The following APBA1 variants were observed in gnomAD, a reference collection of about 807,000 sequenced individuals.
APBA1 encodes the protein amyloid beta precursor protein binding family A member 1.
APBA1 carries 55 observed loss-of-function variants against 86.6 expected under a neutral mutation model. The ratio of observed to expected loss-of-function variants is 0.64; its 90% CI spans 0.51 to 0.80. The LOEUF (loss-of-function observed/expected upper bound fraction) is 0.80, where lower values mean the gene tolerates loss of function less well. Ranked by LOEUF, APBA1 falls within the 30% of genes least tolerant of loss-of-function variation. APBA1 has a pLI of 0.00. For synonymous variants in APBA1, 511 were observed against 493.9 expected (o/e 1.03, Z -0.46); for missense variants, 1,090 against 1,183.0 (o/e 0.92, Z 1.15).
At chr9:69,666,178 T>A (rs184027807) in intron 1 of APBA1, among the ~76,000 whole-genome samples, 3 of 152,208 alleles carry the variant, frequency 2.0e-5, no homozygotes, top group African/African-American at 7.2e-5. Flanking sequence ...ATTCCCTAAG[T>A]GACTGCTCCA....
At chr9:69,585,110 A>C (rs932033277) in intron 1 of APBA1, among the ~76,000 whole-genome samples, 2 of 152,218 alleles carry the variant, frequency 1.3e-5, no homozygotes, top group African/African-American at 4.8e-5. Context: ...GAACAAAACA[A>C]AGGCCCTGCC....
At chr9:69,482,491 G>A (rs1835529542) in intron 2 of APBA1, among the ~76,000 whole-genome samples, 1 of 151,198 alleles carries the variant, frequency 6.6e-6, no homozygotes, top group African/African-American at 2.4e-5. Context: ...TGGAGAGGAT[G>A]TGGAGAAACA....
chr9:69,555,905 G>A (rs1006204116), intron 1 of APBA1, among the ~76,000 whole-genome samples: 1 of 152,154 alleles, frequency 6.6e-6, no homozygotes, highest in Non-Finnish European at 1.5e-5. Flanking sequence ...GTTATATAAT[G>A]AGAATATTAT....
intron 2 of APBA1, among the ~76,000 whole-genome samples, chr9:69,486,164 C>G (rs1488961926): frequency 6.6e-6 from 1 of 152,018 alleles, no homozygotes; most frequent in Non-Finnish European, 1.5e-5. Context: ...GTTGGCCAGG[C>G]TAGTCTCAAA....
chr9:69,658,108 C>T, intron 1 of APBA1, among the ~76,000 whole-genome samples: 2 of 152,312 alleles, frequency 1.3e-5, no homozygotes, highest in Middle Eastern at 6.8e-3. Context: ...GCAGCTACTT[C>T]TCAGGAAAAA....
rs1037796582 is a variant in APBA1, at chr9:69,517,220, C to T, written c.-10G>A. The T allele has an allele frequency of 6.8e-7, 1 of 1,469,012 alleles. No homozygotes were observed. Among genetic ancestry groups the T allele is most frequent in the Non-Finnish European group, 9.0e-7 (1 of 1,109,670 alleles). The allele number at this position is 1,469,012 out of a possible 1,614,324, so 91.0% of individuals were successfully genotyped here. Reference sequence around the variant, plus strand: ...CCTCCAAGTGGTTCATGGTGGGAGTCGGAACGGCTAGGAGAGAAGCTGGGC... The same window carrying T: ...CCTCCAAGTGGTTCATGGTGGGAGTTGGAACGGCTAGGAGAGAAGCTGGGC... On this transcript the variant is annotated 5_prime_UTR_variant, in exon 2 of 13. Transcript: ENST00000265381.
At chr9:69,468,033 G>T in intron 4 of APBA1, 65 bp from the exon 5 acceptor site, 3 of 1,574,876 alleles carry the variant, frequency 1.9e-6, no homozygotes. Context: ...CCCCTCAATG[G>T]CACATCTCCC....
At chr9:69,582,474 T>C (rs975330264) in intron 1 of APBA1, among the ~76,000 whole-genome samples, 8 of 152,216 alleles carry the variant, frequency 5.3e-5, no homozygotes, top group Non-Finnish European at 8.8e-5. Context: ...TGGGTATTCT[T>C]GCAGATTTTA....
intron 1 of APBA1, among the ~76,000 whole-genome samples, chr9:69,533,574 T>C (rs184556042): frequency 7.0e-4 from 106 of 152,318 alleles, no homozygotes; most frequent in Middle Eastern, 6.8e-3. Flanking sequence ...CTTGCTGCCA[T>C]GTTGGTACTC....
chr9:69,525,165 C>A (rs1449189092), intron 1 of APBA1, among the ~76,000 whole-genome samples: 2 of 152,146 alleles, frequency 1.3e-5, no homozygotes, highest in Non-Finnish European at 2.9e-5. Context: ...CCTTTGAGAA[C>A]TGGAACAAGG....
intron 1 of APBA1, among the ~76,000 whole-genome samples, chr9:69,572,227 A>G (rs149099141): frequency 1.1e-4 from 17 of 152,128 alleles, no homozygotes; most frequent in African/African-American, 4.1e-4. Flanking sequence ...ATTTTTCCTG[A>G]TGCTCTCCCA....
rs573820967 is a variant in APBA1, at chr9:69,457,147, G to GA, written c.1516-9dup. ...AGATTCGCCTTCAGGAGCCTGAGAA[G>GA]AAAAAATGCACCAAGAGAAAGTTTG... is the stretch of plus-strand genomic sequence containing the variant. On this transcript the variant is annotated splice_polypyrimidine_tract_variant and intron_variant, in intron 6 of 12. Coordinates refer to ENST00000265381, the MANE Select transcript of APBA1 (RefSeq NM_001163.4). 190 of 1,612,226 alleles carry GA rather than the reference G, an allele frequency of 1.2e-4. 1 individual carries two copies. In the African/African-American group the frequency reaches 2.1e-3, roughly 18 times the overall value.
intron 4 of APBA1, 31 bp downstream of exon 4, chr9:69,471,625 C>G: frequency 6.3e-7 from 1 of 1,594,682 alleles, no homozygotes; most frequent in Non-Finnish European, 8.6e-7. Flanking sequence ...ATGAATGACT[C>G]AGTGCTCAGT....
chr9:69,452,496 T>C (rs534253179), intron 8 of APBA1, among the ~76,000 whole-genome samples, 195 bp from the exon 9 acceptor site: 1 of 152,326 alleles, frequency 6.6e-6, no homozygotes, highest in East Asian at 1.9e-4. Context: ...TGGGGATGTT[T>C]TTGATTATGA....
chr9:69,658,930 C>T (rs1185521697), intron 1 of APBA1, among the ~76,000 whole-genome samples: 7 of 152,194 alleles, frequency 4.6e-5, no homozygotes, highest in Admixed American at 3.3e-4. Flanking sequence ...CTGACTTACA[C>T]TCCAGAGCTC....
intron 8 of APBA1, among the ~76,000 whole-genome samples, chr9:69,452,914 T>C (rs565168191): frequency 6.6e-6 from 1 of 152,342 alleles, no homozygotes; most frequent in Non-Finnish European, 1.5e-5. Flanking sequence ...CTGTCATGCA[T>C]GGTGATTATG....
At chr9:69,523,519 A>G (rs1477744683) in intron 1 of APBA1, among the ~76,000 whole-genome samples, 11 of 61,848 alleles carry the variant, frequency 1.8e-4, no homozygotes, top group Non-Finnish European at 7.7e-5. Flanking sequence ...ATATATATAT[A>G]TATATATATA....
At chr9:69,481,272 A>G (rs948141051) in intron 2 of APBA1, among the ~76,000 whole-genome samples, 6 of 152,084 alleles carry the variant, frequency 3.9e-5, no homozygotes, top group African/African-American at 1.4e-4. Context: ...CAACTTCAGC[A>G]AAGTCTCAGG....
intron 1 of APBA1, among the ~76,000 whole-genome samples, chr9:69,571,766 ATTCTCTCT>A (rs780280727): frequency 2.0e-4 from 30 of 152,122 alleles, no homozygotes; most frequent in Non-Finnish European, 3.4e-4. Context: ...TTTTAACTTA[ATTCTCTCT>A]TGCAAGGAAA....
Sources: allele counts gnomAD v4.1 joint callset (sites outside exome capture counted in the v4.1 genomes callset), GRCh38; gene constraint gnomAD v4.1.1; transcripts MANE v1.5; gene names NCBI Gene and HGNC (gene_info 2026-07-23, HGNC 2026-07-21).